PLAG1: variants seen among roughly 807,000 people sequenced by gnomAD.
PLAG1 encodes zinc finger protein PLAG1.
PLAG1 carries 7 observed loss-of-function variants against 35.5 expected under a neutral mutation model. The observed-to-expected ratio is 0.20, with a 90% CI of 0.11 to 0.37. The LOEUF is 0.37. PLAG1 is among the 10% of genes least tolerant of loss of function. The probability of loss-of-function intolerance (pLI) is 1.00; values close to 1 mark genes in which losing one functional copy is unlikely to be tolerated. For synonymous variants in PLAG1, 229 were observed against 225.4 expected, an observed-to-expected ratio of 1.02 and a Z score of -0.14; for missense variants, 454 against 602.8, an observed-to-expected ratio of 0.75 and a Z score of 2.58.
At chr8:56,178,119 G>T in intron 2 of PLAG1, 1 of 389,774 alleles carries the variant, frequency 2.6e-6, no homozygotes, top group Non-Finnish European at 3.5e-6. Context: ...AGCCAGTGAA[G>T]TTCTATGGGA....
intron 1 of PLAG1, among the ~76,000 whole-genome samples, chr8:56,200,155 G>A (rs891622730): frequency 6.6e-6 from 1 of 152,102 alleles, no homozygotes; most frequent in East Asian, 1.9e-4. Context: ...TGGATTCCCC[G>A]GCCTTCCCCC....
At position 56,167,467 on chromosome 8, in the gene PLAG1, C is replaced by A; in HGVS notation, c.279G>T (p.Lys93Asn). 6.2e-7 allele frequency: 1 copy of A among 1,611,650 alleles called. No homozygotes were observed. The highest frequency in any genetic ancestry group is 8.5e-7 in the Non-Finnish European group (1 of 1,178,444). The change falls in exon 5 of 5, where the codon AAG (lysine) becomes AAT (asparagine). Residue 93 changes from lysine to asparagine, a missense_variant. Coordinates refer to ENST00000316981, the MANE Select transcript of PLAG1 (RefSeq NM_002655.3). This position sits in a 1 kb window ranked among gnomAD's most constrained non-coding sequence, Gnocchi z 5.9. ...MATHSPEKTH[K>N]CNYCEKMFHR... ...GAAACATTTTCTCACAATAATTACACTTGTGGGTTTTCTCAGGAGAATGAG... is the reference window on the plus strand; with the variant it reads ...GAAACATTTTCTCACAATAATTACAATTGTGGGTTTTCTCAGGAGAATGAG...
chr8:56,195,664 C>T (rs1036128888), intron 1 of PLAG1, among the ~76,000 whole-genome samples: 11 of 152,158 alleles, frequency 7.2e-5, no homozygotes, highest in Admixed American at 5.9e-4. Context: ...TAGCCAGCAG[C>T]TGGAGAGATC....
At chr8:56,194,623 C>T (rs560344847) in intron 1 of PLAG1, among the ~76,000 whole-genome samples, 2 of 150,516 alleles carry the variant, frequency 1.3e-5, no homozygotes, top group East Asian at 2.0e-4. Flanking sequence ...GTGTGTGTGG[C>T]GTGTGTGTGT....
At chr8:56,183,204 T>C (rs1811923126) in intron 1 of PLAG1, among the ~76,000 whole-genome samples, 1 of 152,230 alleles carries the variant, frequency 6.6e-6, no homozygotes, top group Non-Finnish European at 1.5e-5. Flanking sequence ...CTTTCTGGAA[T>C]GTATTGTGCA....
chr8:56,206,722 G>T (rs1188868609), intron 1 of PLAG1, among the ~76,000 whole-genome samples: 2 of 151,872 alleles, frequency 1.3e-5, no homozygotes, highest in Admixed American at 1.3e-4. Flanking sequence ...ATTCCTGGTA[G>T]AACTAAAGAA....
intron 1 of PLAG1, among the ~76,000 whole-genome samples, chr8:56,182,221 T>C (rs1007456035): frequency 1.3e-5 from 2 of 152,152 alleles, no homozygotes; most frequent in Non-Finnish European, 2.9e-5. Context: ...AAGATATGTG[T>C]TGGAGTTATC....
intron 2 of PLAG1, among the ~76,000 whole-genome samples, chr8:56,172,519 A>G (rs761895986): frequency 6.6e-6 from 1 of 152,182 alleles, no homozygotes; most frequent in South Asian, 2.1e-4. Flanking sequence ...AATATGAAAG[A>G]CCATTTTGTG....
chr8:56,189,461 G>C (rs1179110389), intron 1 of PLAG1, among the ~76,000 whole-genome samples: 3 of 152,102 alleles, frequency 2.0e-5, no homozygotes, highest in African/African-American at 4.8e-5. Flanking sequence ...AGGGATATAA[G>C]AACAAACTTA....
At chr8:56,171,232 C>T (rs554027990) in intron 2 of PLAG1, 43 bp from the exon 3 acceptor site, 15 of 356,624 alleles carry the variant, frequency 4.2e-5, no homozygotes, top group African/African-American at 6.6e-5. Flanking sequence ...TAAATGGAAC[C>T]GGTATGTAAA....
intron 2 of PLAG1, among the ~76,000 whole-genome samples, chr8:56,176,825 C>G (rs758855110): frequency 6.6e-6 from 1 of 151,982 alleles, no homozygotes; most frequent in Non-Finnish European, 1.5e-5. Flanking sequence ...TCTGGGGGTA[C>G]AACAAAAATG....
At position 56,203,063 on chromosome 8, in the gene PLAG1, GAAT is replaced by G. The variant is rs534102173; in HGVS notation, c.-322+8055_-322+8057del. 1.2e-4 allele frequency among the ~76,000 whole-genome samples: 18 copies of G among 151,960 alleles called. No individual in the cohort carries two copies. The East Asian group carries it at 2.7e-3, about 23-fold the overall frequency. Reference sequence around the variant, plus strand: ...CTATTTGTCACTACTTTTCTTTGAAGAATAATGAAAATAATTGAATATATCACG... The same window carrying G: ...CTATTTGTCACTACTTTTCTTTGAAGAATGAAAATAATTGAATATATCACG... On this transcript the variant is annotated intron_variant, in intron 1 of 4. Coordinates refer to ENST00000316981, the MANE Select transcript of PLAG1 (RefSeq NM_002655.3).
intron 2 of PLAG1, among the ~76,000 whole-genome samples, chr8:56,173,333 G>A (rs1443945763): frequency 6.6e-6 from 1 of 151,966 alleles, no homozygotes; most frequent in African/African-American, 2.4e-5. Flanking sequence ...GAGTTCTTAT[G>A]AGTTGCCAAA....
In PLAG1 at chr8:56,162,858, AAAAATAAAGC is replaced by A. The variant is rs1443277292; in HGVS notation, c.*3375_*3384del. On this transcript the variant is annotated 3_prime_UTR_variant, in exon 5 of 5. Coordinates refer to ENST00000316981, the MANE Select transcript of PLAG1 (RefSeq NM_002655.3). ...TCACTATATTCCACAAATGACTAAG[AAAAATAAAGC>A]ACAAGCAACAAATAGGCAAAAATAC... 4.6e-6 allele frequency: 1 copy of A among 216,424 alleles called. No individual in the cohort carries two copies. Among genetic ancestry groups the A allele is most frequent in the Non-Finnish European group, 9.3e-6 (1 of 107,076 alleles). The allele number at this position is 216,424 out of a possible 1,614,324, so 13.4% of individuals were successfully genotyped here. A position where few individuals can be genotyped will look rare whatever the true frequency, so the allele number is the denominator to read the frequency against.
intron 1 of PLAG1, among the ~76,000 whole-genome samples, chr8:56,205,203 TAA>T (rs1201748408): frequency 2.0e-5 from 3 of 151,938 alleles, no homozygotes; most frequent in Admixed American, 1.3e-4. Flanking sequence ...TTCATTAACT[TAA>T]AGTTTTAAAC....
At chr8:56,203,358 C>T (rs994831293) in intron 1 of PLAG1, among the ~76,000 whole-genome samples, 1 of 152,072 alleles carries the variant, frequency 6.6e-6, no homozygotes, top group African/African-American at 2.4e-5. Context: ...TGATAGTTTA[C>T]TTTCATTTTG....
At chr8:56,187,826 T>A (rs1383169930) in intron 1 of PLAG1, among the ~76,000 whole-genome samples, 2 of 152,184 alleles carry the variant, frequency 1.3e-5, no homozygotes, top group African/African-American at 4.8e-5. Flanking sequence ...CTCTGTGGCA[T>A]AGGCAGGGTG....
At chr8:56,206,782 T>C (rs1293604172) in intron 1 of PLAG1, among the ~76,000 whole-genome samples, 2 of 152,010 alleles carry the variant, frequency 1.3e-5, no homozygotes, top group African/African-American at 4.8e-5. Context: ...AGTTTCAAAG[T>C]ATTCAATGTT....
At chr8:56,195,093 C>T (rs1812320282) in intron 1 of PLAG1, among the ~76,000 whole-genome samples, 1 of 152,134 alleles carries the variant, frequency 6.6e-6, no homozygotes, top group African/African-American at 2.4e-5. Context: ...TCAGAGATTT[C>T]TAGTTCTATT....
Sources: allele counts gnomAD v4.1 joint callset (sites outside exome capture counted in the v4.1 genomes callset), GRCh38; gene constraint gnomAD v4.1.1; non-coding constraint Gnocchi (gnomAD v3.1); transcripts MANE v1.5; gene names NCBI Gene and HGNC (gene_info 2026-07-23, HGNC 2026-07-21).